The following DNAJC25 variants were observed in gnomAD, a reference collection of about 807,000 sequenced individuals.
The protein encoded by DNAJC25 is dnaJ homolog subfamily C member 25.
DNAJC25 carries 26 observed loss-of-function variants against 42.1 expected under a neutral mutation model. The observed-to-expected ratio is 0.62, with a 90% CI of 0.45 to 0.86. The LOEUF (loss-of-function observed/expected upper bound fraction) is 0.86. DNAJC25 is among the 40% of genes least tolerant of loss of function. The probability of loss-of-function intolerance (pLI) is 0.00; values close to 1 mark genes in which losing one functional copy is unlikely to be tolerated. For synonymous variants in DNAJC25, 189 were observed against 179.9 expected, an observed-to-expected ratio of 1.05 and a Z score of -0.40; for missense variants, 404 against 459.4, an observed-to-expected ratio of 0.88 and a Z score of 1.10.
At chr9:111,645,135 C>T (rs540751728) in intron 1 of DNAJC25, among the ~76,000 whole-genome samples, 53 of 152,212 alleles carry the variant, frequency 3.5e-4, no homozygotes, top group Middle Eastern at 3.4e-3. Flanking sequence ...TAAATATATT[C>T]GTATCTAATT....
chr9:111,646,265 A>C (rs566940825), intron 1 of DNAJC25, among the ~76,000 whole-genome samples: 32 of 152,244 alleles, frequency 2.1e-4, no homozygotes, highest in Non-Finnish European at 3.7e-4. Flanking sequence ...TGCATAGCTC[A>C]GTACAACATT....
chr9:111,637,551 C>T (rs62569897), intron 1 of DNAJC25, among the ~76,000 whole-genome samples: 7,573 of 152,274 alleles, frequency 0.05, 309 homozygotes, highest in South Asian at 0.15. Context: ...CCACTCCTTT[C>T]GCTTCATTTT....
chr9:111,651,086 G>C (rs1830652049), intron 3 of DNAJC25, among the ~76,000 whole-genome samples: 1 of 151,866 alleles, frequency 6.6e-6, no homozygotes, highest in Non-Finnish European at 1.5e-5. Flanking sequence ...GGCCAACATA[G>C]TGAAACCCTG....
At chr9:111,640,086 G>C (rs7030185) in intron 1 of DNAJC25, among the ~76,000 whole-genome samples, 22 of 151,890 alleles carry the variant, frequency 1.4e-4, no homozygotes, top group Middle Eastern at 3.4e-3. Flanking sequence ...GCAGGCACGC[G>C]CCGCCACGCC....
Position 111,653,423 on chromosome 9 carries a change from A to G in DNAJC25, c.*201A>G. 1 of 511,916 alleles carries G rather than the reference A, an allele frequency of 2.0e-6. No homozygotes were observed. The highest frequency in any genetic ancestry group is 2.9e-6 in the Non-Finnish European group (1 of 343,258). 31.7% of individuals were successfully genotyped at this position (511,916 alleles called of 1,614,324 possible). The stretch of plus-strand genomic sequence containing the variant: ...CATTTATGATTGTTCAATTTTTATA[A>G]TCTATTTGTGGATTTTGTTAAAAGA... On this transcript the variant is annotated 3_prime_UTR_variant, in exon 4 of 4. Coordinates refer to ENST00000313525, the MANE Select transcript of DNAJC25 (RefSeq NM_001015882.3).
At chr9:111,643,392 A>G (rs1202953886) in intron 1 of DNAJC25, among the ~76,000 whole-genome samples, 2 of 152,200 alleles carry the variant, frequency 1.3e-5, no homozygotes, top group Non-Finnish European at 2.9e-5. Context: ...AAAGAAAAAA[A>G]CTGATGATTA....
chr9:111,631,686 G>A lies in DNAJC25; in HGVS notation c.279G>A (p.Thr93=). 6.6e-7 allele frequency: 1 copy of A among 1,523,442 alleles called. No homozygotes were observed. The highest frequency in any genetic ancestry group is 8.8e-7 in the Non-Finnish European group (1 of 1,141,792). The allele number at this position is 1,523,442 out of a possible 1,614,324, so 94.4% of individuals were successfully genotyped here. A position where few individuals can be genotyped will look rare whatever the true frequency, so the allele number is the denominator to read the frequency against. The change falls in exon 1 of 4, where the codon ACG becomes ACA. Residue 93 remains threonine, a synonymous_variant. Transcript: ENST00000313525. ...CCGGAGACGAGGGCCCCGGGCGGAC[G>A]CCGCAGAGCGCCGAGGAGGCTTTCC... The part of the protein sequence containing the change: ...PQPGDEGPGR[T]PQSAEEAFLL...
rs771511219 is a variant in DNAJC25 at position 111,649,780 on chromosome 9, A to C, written c.817A>C (p.Lys273Gln). ...TCGGTGGATCTATAATTTTAACATC[A>C]AAGGCAAAGAATATGGAGAGGAAGA... ...YCRWIYNFNIKGKEYGEEERL... is the reference protein window; with the variant it reads ...YCRWIYNFNIQGKEYGEEERL... Residue 273 changes from lysine (K) to glutamine (Q), a missense_variant, in exon 3 of 4, where the codon AAA becomes CAA. Lys to Gln is a moderately conservative substitution (Grantham distance 53). Coordinates refer to ENST00000313525, the MANE Select transcript of DNAJC25 (RefSeq NM_001015882.3). The C allele has an allele frequency of 2.5e-6, 4 of 1,613,942 alleles. No homozygotes were observed. The highest frequency in any genetic ancestry group is 3.4e-6 in the Non-Finnish European group (4 of 1,180,016).
At chr9:111,636,111 T>C (rs1830359334) in intron 1 of DNAJC25, among the ~76,000 whole-genome samples, 1 of 152,218 alleles carries the variant, frequency 6.6e-6, no homozygotes, top group South Asian at 2.1e-4. Flanking sequence ...CTGTGCAGAT[T>C]ATATTGCTGT....
intron 1 of DNAJC25, among the ~76,000 whole-genome samples, chr9:111,634,591 G>A (rs1024330317): frequency 3.3e-5 from 5 of 152,136 alleles, no homozygotes; most frequent in South Asian, 4.1e-4. Flanking sequence ...GAATAAAAAC[G>A]GGATGCAGAA....
intron 3 of DNAJC25, 73 bp downstream of exon 3, chr9:111,649,996 G>A: frequency 3.0e-6 from 4 of 1,339,528 alleles, no homozygotes; most frequent in Non-Finnish European, 2.0e-6. Flanking sequence ...TTATAATGAG[G>A]GATCACAGAA....
intron 1 of DNAJC25, among the ~76,000 whole-genome samples, chr9:111,641,368 C>A (rs1329021681): frequency 9.1e-5 from 13 of 143,522 alleles, no homozygotes; most frequent in Non-Finnish European, 1.5e-4. Context: ...GGTCAGCCCC[C>A]CGCCCGGCCA....
intron 1 of DNAJC25, among the ~76,000 whole-genome samples, chr9:111,640,084 G>C (rs540518627): frequency 7.8e-4 from 118 of 152,032 alleles, no homozygotes; most frequent in Non-Finnish European, 2.1e-4. Flanking sequence ...TTGCAGGCAC[G>C]CGCCGCCACG....
chr9:111,641,355 G>T (rs1384400178), intron 1 of DNAJC25, among the ~76,000 whole-genome samples: 27 of 145,674 alleles, frequency 1.9e-4, no homozygotes, highest in African/African-American at 6.4e-4. Flanking sequence ...AGGGAGGTGG[G>T]GGGGTCAGCC....
intron 3 of DNAJC25, among the ~76,000 whole-genome samples, chr9:111,652,753 G>T (rs1383305292): frequency 6.6e-6 from 1 of 151,254 alleles, no homozygotes; most frequent in Admixed American, 6.6e-5. Context: ...CACCATGTTG[G>T]CCAGGCTGGT....
intron 3 of DNAJC25, among the ~76,000 whole-genome samples, chr9:111,652,644 C>T (rs1162551768): frequency 6.6e-6 from 1 of 151,436 alleles, no homozygotes; most frequent in African/African-American, 2.4e-5. Context: ...CAGGTTCAAG[C>T]AGTTCTCCTG....
At chr9:111,651,032 C>T (rs1412225970) in intron 3 of DNAJC25, among the ~76,000 whole-genome samples, 4 of 151,990 alleles carry the variant, frequency 2.6e-5, no homozygotes, top group Non-Finnish European at 2.9e-5. Flanking sequence ...TTTGGGAGGT[C>T]GAGGCAGGTG....
Position 111,647,263 on chromosome 9 carries a change from T to C in DNAJC25, c.489+4T>C. 1 of 1,614,054 alleles carries C rather than the reference T, an allele frequency of 6.2e-7. No individual in the cohort carries two copies. Among genetic ancestry groups the C allele is most frequent in the Non-Finnish European group, 8.5e-7 (1 of 1,179,964 alleles). On this transcript the variant is annotated splice_donor_region_variant and intron_variant, in intron 2 of 3. Transcript: ENST00000313525. ...GTGTGCTATTTCGGTGTTTCAGGTA[T>C]GTATCAATGGATATTTTTATCTACA...
chr9:111,642,566 G>T (rs1830493640), intron 1 of DNAJC25, among the ~76,000 whole-genome samples: 1 of 145,144 alleles, frequency 6.9e-6, no homozygotes, highest in Non-Finnish European at 1.5e-5. Flanking sequence ...CCATGACCCT[G>T]CCAAATCCCC....
Sources: gnomAD v4.1 joint callset for allele counts (sites outside exome capture counted in the v4.1 genomes callset) on GRCh38, gnomAD v4.1.1 for gene constraint, MANE v1.5 for transcripts, NCBI Gene and HGNC (gene_info 2026-07-23, HGNC 2026-07-21) for gene names.